TUB: variants seen among roughly 807,000 people sequenced by gnomAD.
TUB encodes TUB bipartite transcription factor.
A neutral mutation model predicts 59.7 loss-of-function variants in TUB; 33 were observed. The ratio of observed to expected loss-of-function variants is 0.55; its 90% confidence interval spans 0.42 to 0.74. The LOEUF (loss-of-function observed/expected upper bound fraction) is 0.74. TUB is among the 30% of genes least tolerant of loss of function. TUB has a pLI of 0.00. For missense variants in TUB, 659 were observed against 672.0 expected (o/e 0.98, Z 0.21); for synonymous variants, 293 against 256.4 (o/e 1.14, Z -1.36).
intron 2 of TUB, among the ~76,000 whole-genome samples, chr11:8,061,483 C>T (rs1182040732): frequency 7.2e-5 from 11 of 152,158 alleles, no homozygotes; most frequent in Admixed American, 5.2e-4. Flanking sequence ...CCAAATAAGT[C>T]AATGCCGGCC....
At chr11:8,056,374 G>A (rs995494892) in intron 2 of TUB, among the ~76,000 whole-genome samples, 2 of 152,170 alleles carry the variant, frequency 1.3e-5, no homozygotes, top group Non-Finnish European at 2.9e-5. Flanking sequence ...GTGCGTGGGG[G>A]TGGCATGAGT....
chr11:8,094,411 G>C lies in TUB; in HGVS notation c.397+222G>C, dbSNP rs548223813. On this transcript the variant is annotated intron_variant, in intron 4 of 11. Coordinates refer to ENST00000299506, the MANE Select transcript of TUB (RefSeq NM_177972.3). ...TGTGGGCATGCCTACCACACTGCCA[G>C]GAAGTGAAGTCCTGCTCAGCTGTGG... Among the ~76,000 whole-genome samples, 16 of 152,224 alleles carry C rather than the reference G, an allele frequency of 1.1e-4. No homozygotes were observed. In the East Asian group the frequency reaches 1.4e-3, roughly 13 times the overall value.
chr11:8,087,133 A>G (rs1020146351), intron 1 of TUB, among the ~76,000 whole-genome samples: 15 of 152,222 alleles, frequency 9.9e-5, no homozygotes, highest in Non-Finnish European at 2.1e-4. Context: ...GAGAGCATTA[A>G]AAGGCACTGG....
chr11:8,079,596 A>G (rs1487013984), upstream of TUB, among the ~76,000 whole-genome samples: 1 of 152,160 alleles, frequency 6.6e-6, no homozygotes, highest in East Asian at 1.9e-4. Context: ...GTTGTGCCCG[A>G]CAGAGATGGA....
intron 2 of TUB, among the ~76,000 whole-genome samples, chr11:8,065,778 C>T (rs916313377): frequency 6.6e-6 from 1 of 152,070 alleles, no homozygotes; most frequent in African/African-American, 2.4e-5. Flanking sequence ...AATTTGGTGA[C>T]GTGGAATAGT....
chr11:8,023,807 A>G (rs1942464361), intron 1 of TUB, among the ~76,000 whole-genome samples: 1 of 152,216 alleles, frequency 6.6e-6, no homozygotes, highest in African/African-American at 2.4e-5. Context: ...CAAAGTGGGT[A>G]TCATGAAGTC....
In TUB at chr11:8,096,755, G is replaced by A; in HGVS notation, c.636G>A (p.Gln212=). 3 of 1,614,148 alleles carry A rather than the reference G, an allele frequency of 1.9e-6. No homozygotes were observed. The highest frequency in any genetic ancestry group is 1.1e-5 in the South Asian group (1 of 91,080). ...AGGAGAATAGCTCCAGCTCCTCCCA[G>A]CTAAATAGTAACACCCGCCCCAGCT... ...DEEENSSSSS[Q]LNSNTRPSSA... Residue 212 remains glutamine, a synonymous_variant, in exon 6 of 12, where the codon CAG becomes CAA. Coordinates refer to ENST00000299506, the MANE Select transcript of TUB (RefSeq NM_177972.3).
intron 2 of TUB, among the ~76,000 whole-genome samples, chr11:8,047,614 G>A (rs775359523): frequency 6.6e-6 from 1 of 152,196 alleles, no homozygotes; most frequent in Non-Finnish European, 1.5e-5. Flanking sequence ...CTAGATTCAG[G>A]CAATATTGAG....
chr11:8,090,308 G>A (rs1350004775), intron 3 of TUB, 77 bp downstream of exon 3: 24 of 1,552,436 alleles, frequency 1.5e-5, no homozygotes, highest in Admixed American at 5.5e-5. Flanking sequence ...AGGCAGGTGC[G>A]GACTGGTCCT....
intron 1 of TUB, among the ~76,000 whole-genome samples, chr11:8,027,321 T>C (rs1051305747): frequency 2.0e-5 from 3 of 152,244 alleles, no homozygotes; most frequent in Non-Finnish European, 4.4e-5. Context: ...TTTCTGTCTC[T>C]ATAAATTGCC....
intron 5 of TUB, 52 bp from the exon 6 acceptor site, chr11:8,096,633 G>C: frequency 8.2e-7 from 1 of 1,217,732 alleles, no homozygotes; most frequent in Non-Finnish European, 1.2e-6. Context: ...GTATTTCAGG[G>C]GCAGCGTAGA....
chr11:8,100,445 C>T, intron 9 of TUB, 58 bp from the exon 10 acceptor site: 2 of 1,385,510 alleles, frequency 1.4e-6, no homozygotes, highest in South Asian at 1.2e-5. Flanking sequence ...GTCCCCCCCA[C>T]CTTCTCCAGT....
In TUB at chr11:8,100,879, C is replaced by T. The variant is rs61733059; in HGVS notation, c.1269C>T (p.Ile423=). ...RWQNKNTESI[I]ELQNKTPVWN... Reference sequence around the variant, plus strand: ...AGAATAAGAACACGGAGAGTATCATCGAGCTGCAAAACAAGACACCTGTCT... The same window carrying T: ...AGAATAAGAACACGGAGAGTATCATTGAGCTGCAAAACAAGACACCTGTCT... Residue 423 remains isoleucine, a synonymous_variant, in exon 11 of 12, where the codon ATC becomes ATT. Transcript: ENST00000299506. The T allele has an allele frequency of 2.2e-5, 35 of 1,614,038 alleles. No individual in the cohort carries two copies. The highest frequency in any genetic ancestry group is 6.7e-5 in the East Asian group (3 of 44,892).
At chr11:8,095,742 G>A in intron 5 of TUB, 77 bp downstream of exon 5, 1 of 1,465,088 alleles carries the variant, frequency 6.8e-7, no homozygotes, top group Non-Finnish European at 9.2e-7. Context: ...CTGGGAGCAT[G>A]GCCTTCCTGT....
chr11:8,077,229 C>A (rs1248487084), upstream of TUB: 1 of 152,226 alleles, frequency 6.6e-6, no homozygotes, highest in Non-Finnish European at 1.5e-5. Flanking sequence ...TGGCTTAAAA[C>A]CCTCTAGTGG....
chr11:8,066,238 A>C (rs1390701485), intron 2 of TUB, among the ~76,000 whole-genome samples: 2 of 152,194 alleles, frequency 1.3e-5, no homozygotes, highest in Non-Finnish European at 2.9e-5. Flanking sequence ...CAGACGCTGG[A>C]CATGAGGTTC....
chr11:8,098,890 C>CG lies in TUB; in HGVS notation c.1116+20dup, dbSNP rs1944127208. 2 of 1,574,362 alleles carry CG rather than the reference C, an allele frequency of 1.3e-6. No individual in the cohort carries two copies. Among genetic ancestry groups the CG allele is most frequent in the Admixed American group, 1.7e-5 (1 of 59,830 alleles). ...CTGTGTGCTACGTGAGTCCTAGGTT[C>CG]GGGGGTCTCTGATTTCCAAGGTAGA... is the stretch of plus-strand genomic sequence containing the variant. On this transcript the variant is annotated intron_variant, in intron 9 of 11. Transcript: ENST00000299506.
intron 2 of TUB, among the ~76,000 whole-genome samples, chr11:8,050,900 A>T (rs1942924897): frequency 6.6e-6 from 1 of 152,194 alleles, no homozygotes; most frequent in African/African-American, 2.4e-5. Context: ...ATCTTATGAG[A>T]CAATTGCACA....
chr11:8,026,514 T>C lies in TUB; in HGVS notation c.56+7156T>C, dbSNP rs141768960. ...TATCTAATTGTTCCAGCAGCATTCA[T>C]TGAAAAAAACCTTTCTTTTTTCTGC... On this transcript the variant is annotated intron_variant, in intron 1 of 11. Coordinates refer to the TUB transcript ENST00000534099. Among the ~76,000 whole-genome samples the C allele has an allele frequency of 1.6e-3, 243 of 152,132 alleles. 4 individuals are homozygous for C. Among genetic ancestry groups the C allele is most frequent in the African/African-American group, 5.4e-3 (225 of 41,524 alleles).
Sources: allele counts gnomAD v4.1 joint callset (sites outside exome capture counted in the v4.1 genomes callset), GRCh38; gene constraint gnomAD v4.1.1; transcripts MANE v1.5; gene names NCBI Gene and HGNC (gene_info 2026-07-23, HGNC 2026-07-21).